Variants in FBXO17 observed in about 807,000 individuals in gnomAD.
FBXO17 encodes F-box protein 17.
In FBXO17, 43 loss-of-function variants were observed where a neutral mutation model predicts 34.1. The ratio of observed to expected loss-of-function variants is 1.26; its 90% CI spans 0.99 to 1.62. The LOEUF (loss-of-function observed/expected upper bound fraction) is 1.62. FBXO17 is among the 40% of genes most tolerant of loss of function. The pLI, the probability that FBXO17 is intolerant of heterozygous loss-of-function variation, is 0.00. For synonymous variants in FBXO17, 169 were observed against 166.0 expected (o/e 1.02, Z -0.14); for missense variants, 424 against 386.7 (o/e 1.10, Z -0.81).
rs138578344 is a variant in FBXO17 at position 38,948,568 on chromosome 19, C to A, written c.460G>T (p.Glu154Ter). 4.3e-6 allele frequency: 7 copies of A among 1,613,248 alleles called. No homozygotes were observed. Among genetic ancestry groups the A allele is most frequent in the Non-Finnish European group, 5.9e-6 (7 of 1,179,510 alleles). ...GGGCCTCTCACTTGGGCCACTCACT[C>A]GAAAGAGGTCACGAAGCAGGTCTGC... Reference protein sequence around the residue: ...PSQTCFVTSFEWCSKRQLVDL... With the variant: ...PSQTCFVTSF The change falls in exon 3 of 6, where the codon GAA becomes TAA. Residue 154 changes from glutamate to a stop codon, truncating the protein, a stop_gained and splice_region_variant. Coordinates refer to ENST00000292852, the MANE Select transcript of FBXO17 (RefSeq NM_024907.7). LOFTEE classifies it high-confidence loss of function.
chr19:38,971,360 G>C (rs990286147), intron 1 of FBXO17, among the ~76,000 whole-genome samples: 2 of 152,086 alleles, frequency 1.3e-5, no homozygotes, highest in African/African-American at 4.8e-5. Context: ...AAGAATGTGG[G>C]ATAAGGACAG....
chr19:38,962,106 TAAAAAAA>T (rs71167604), intron 1 of FBXO17, among the ~76,000 whole-genome samples: 1 of 92,500 alleles, frequency 1.1e-5, no homozygotes, highest in South Asian at 3.6e-4. Flanking sequence ...GGGACGCTGT[TAAAAAAA>T]AAAAAAAAAA....
At chr19:38,965,873 C>T (rs1975313100) in intron 1 of FBXO17, among the ~76,000 whole-genome samples, 1 of 152,194 alleles carries the variant, frequency 6.6e-6, no homozygotes, top group East Asian at 1.9e-4. Context: ...AACTCCTGAC[C>T]CCAGGCAATC....
At chr19:38,949,747 G>A in intron 2 of FBXO17, 2 of 595,628 alleles carry the variant, frequency 3.4e-6, no homozygotes, top group South Asian at 4.3e-5. Flanking sequence ...GCCCAGCCAG[G>A]GTCTTCCTGC....
Position 38,948,640 on chromosome 19 carries a change from C to T in FBXO17, c.388G>A (p.Gly130Ser), listed in dbSNP as rs377427168. The change falls in exon 3 of 6, where the codon GGC becomes AGC. Residue 130 changes from glycine (G) to serine (S), a missense_variant. Coordinates refer to ENST00000292852, the MANE Select transcript of FBXO17 (RefSeq NM_024907.7). ...RGWEVEHGGN[G>S]WAIEKNLTPV... Reference sequence around the variant, plus strand: ...GTTAGGTTCTTTTCTATGGCCCAGCCGTTCCCGCCATGCTCCACCTCCCAG... The same window carrying T: ...GTTAGGTTCTTTTCTATGGCCCAGCTGTTCCCGCCATGCTCCACCTCCCAG... 1.4e-5 allele frequency: 22 copies of T among 1,614,006 alleles called. No homozygotes were observed. Among genetic ancestry groups the T allele is most frequent in the East Asian group, 4.5e-5 (2 of 44,890 alleles).
At chr19:38,948,729 A>G in intron 2 of FBXO17, 51 bp from the exon 3 acceptor site, 1 of 1,535,234 alleles carries the variant, frequency 6.5e-7, no homozygotes, top group Non-Finnish European at 9.0e-7. Context: ...GCCTGCCCAG[A>G]AGAGACCCCG....
At chr19:38,967,699 G>A (rs575859265) in intron 1 of FBXO17, among the ~76,000 whole-genome samples, 1 of 151,836 alleles carries the variant, frequency 6.6e-6, no homozygotes, top group Non-Finnish European at 1.5e-5. Flanking sequence ...CAAGTAGCTG[G>A]GACTACAGAT....
chr19:38,961,387 C>T (rs1406942695), intron 1 of FBXO17, among the ~76,000 whole-genome samples: 2 of 151,272 alleles, frequency 1.3e-5, no homozygotes, highest in Admixed American at 6.6e-5. Context: ...GCAATCCTTC[C>T]GCCTCAGCTT....
At chr19:38,970,784 G>A (rs1277195883) in intron 1 of FBXO17, among the ~76,000 whole-genome samples, 1 of 152,050 alleles carries the variant, frequency 6.6e-6, no homozygotes, top group African/African-American at 2.4e-5. Flanking sequence ...CATACCAAAT[G>A]GGCTCCGTAT....
At chr19:38,946,904 G>A (rs1349651627) in intron 3 of FBXO17, 7 of 277,750 alleles carry the variant, frequency 2.5e-5, no homozygotes, top group Non-Finnish European at 4.8e-5. Flanking sequence ...TGAGGGCCCC[G>A]GGTCTAAAGC....
Position 38,950,084 on chromosome 19 carries a change from T to C in FBXO17, c.236A>G (p.Gln79Arg), listed in dbSNP as rs777427046. Residue 79 changes from glutamine to arginine, a missense_variant, in exon 2 of 6, where the codon CAA (glutamine) becomes CGA (arginine). Transcript: ENST00000292852. ...GTCTTCGTTGCTGGGCAGGCAGCGT[T>C]GAGCCACTGCGTAGAGTGCGCGGCC... is the stretch of plus-strand genomic sequence containing the variant. ...AEGRALYAVA[Q>R]RCLPSNEDKE... 3.6e-5 allele frequency: 56 copies of C among 1,567,270 alleles called. No homozygotes were observed. The highest frequency in any genetic ancestry group is 2.2e-4 in the Admixed American group (12 of 53,684).
At chr19:38,969,177 G>A (rs1172971239) in intron 1 of FBXO17, among the ~76,000 whole-genome samples, 3 of 152,038 alleles carry the variant, frequency 2.0e-5, no homozygotes, top group African/African-American at 7.2e-5. Context: ...AGCTGGGTGC[G>A]ATGGCTCACA....
intron 1 of FBXO17, among the ~76,000 whole-genome samples, chr19:38,962,541 C>G (rs1975266468): frequency 6.6e-6 from 1 of 152,132 alleles, no homozygotes; most frequent in South Asian, 2.1e-4. Context: ...GGACTTCTGC[C>G]GCATTCTACT....
intron 1 of FBXO17, among the ~76,000 whole-genome samples, chr19:38,971,732 A>C (rs1975393479): frequency 6.6e-6 from 1 of 151,820 alleles, no homozygotes; most frequent in African/African-American, 2.4e-5. Context: ...GGCTGCAGTG[A>C]GCCAAGACTG....
chr19:38,961,032 T>C (rs1269112071), intron 1 of FBXO17, among the ~76,000 whole-genome samples: 1 of 152,132 alleles, frequency 6.6e-6, no homozygotes, highest in East Asian at 1.9e-4. Context: ...GGTCTCGAAC[T>C]CCTGACCTCA....
chr19:38,953,014 A>G (rs1975109678), intron 1 of FBXO17, among the ~76,000 whole-genome samples: 1 of 152,168 alleles, frequency 6.6e-6, no homozygotes, highest in Non-Finnish European at 1.5e-5. Flanking sequence ...CATTAAAAAC[A>G]TTCTTGACCT....
chr19:38,946,074 T>G (rs1974978690), intron 4 of FBXO17: 1 of 241,434 alleles, frequency 4.1e-6, no homozygotes, highest in African/African-American at 2.3e-5. Context: ...GCATTCATCC[T>G]AAGCCTGTAG....
At chr19:38,955,606 C>T (rs1223948283) in intron 1 of FBXO17, among the ~76,000 whole-genome samples, 1 of 151,616 alleles carries the variant, frequency 6.6e-6, no homozygotes, top group African/African-American at 2.4e-5. Flanking sequence ...GCCTCAGCCT[C>T]CTGATTAGCT....
intron 1 of FBXO17, among the ~76,000 whole-genome samples, chr19:38,959,092 C>T (rs1975210169): frequency 6.7e-6 from 1 of 148,538 alleles, no homozygotes; most frequent in African/African-American, 2.5e-5. Flanking sequence ...TTTTTTTTTT[C>T]TAGAAGTGAG....
Sources: gnomAD v4.1 joint callset for allele counts (sites outside exome capture counted in the v4.1 genomes callset) on GRCh38, gnomAD v4.1.1 for gene constraint, MANE v1.5 for transcripts, NCBI Gene and HGNC (gene_info 2026-07-23, HGNC 2026-07-21) for gene names.